HS3ST3B1: variants seen among roughly 807,000 people sequenced by gnomAD.
HS3ST3B1 encodes heparan sulfate-glucosamine 3-sulfotransferase 3B1.
Under a neutral mutation model 21.3 loss-of-function variants are expected in HS3ST3B1, and 13 were observed. The ratio of observed to expected loss-of-function variants is 0.61; its 90% CI spans 0.40 to 0.97. The LOEUF (loss-of-function observed/expected upper bound fraction) is 0.97. HS3ST3B1 is among the 50% of genes least tolerant of loss of function. The pLI is 0.00. For missense variants in HS3ST3B1, 459 were observed against 554.8 expected, an observed-to-expected ratio of 0.83 and a Z score of 1.73; for synonymous variants, 234 against 254.8, an observed-to-expected ratio of 0.92 and a Z score of 0.78.
chr17:14,313,383 T>A (rs911048838), intron 1 of HS3ST3B1, among the ~76,000 whole-genome samples: 1 of 151,942 alleles, frequency 6.6e-6, no homozygotes, highest in Non-Finnish European at 1.5e-5. Context: ...CCCTTACCTG[T>A]GCCAAGATGA....
intron 1 of HS3ST3B1, among the ~76,000 whole-genome samples, chr17:14,316,366 G>A (rs1909499796): frequency 6.6e-6 from 1 of 152,246 alleles, no homozygotes; most frequent in Non-Finnish European, 1.5e-5. Flanking sequence ...TTGCTGATTA[G>A]GATTTCAAGT....
chr17:14,337,468 C>T (rs570481710), intron 1 of HS3ST3B1, among the ~76,000 whole-genome samples: 3 of 151,438 alleles, frequency 2.0e-5, no homozygotes, highest in African/African-American at 7.3e-5. Context: ...GCTGGAATTA[C>T]AGGAGCCCGC....
At chr17:14,324,687 C>T (rs75079924) in intron 1 of HS3ST3B1, among the ~76,000 whole-genome samples, 4 of 152,138 alleles carry the variant, frequency 2.6e-5, no homozygotes, top group Non-Finnish European at 5.9e-5. Context: ...GATCATAGCT[C>T]ACTGCAGCCT....
At chr17:14,314,413 A>T (rs4791572) in intron 1 of HS3ST3B1, among the ~76,000 whole-genome samples, 82,158 of 152,038 alleles carry the variant, frequency 0.54, 22,436 homozygotes, top group Admixed American at 0.62. Flanking sequence ...AAGAAGTGGC[A>T]GTTCAAAAAC....
At chr17:14,314,655 A>C (rs4791573) in intron 1 of HS3ST3B1, among the ~76,000 whole-genome samples, 27 of 152,150 alleles carry the variant, frequency 1.8e-4, no homozygotes, top group African/African-American at 6.5e-4. Flanking sequence ...ATAAAGGATC[A>C]GACAGTACCA....
At chr17:14,341,965 G>C (rs1000031440) in intron 1 of HS3ST3B1, among the ~76,000 whole-genome samples, 1 of 152,146 alleles carries the variant, frequency 6.6e-6, no homozygotes, top group African/African-American at 2.4e-5. Flanking sequence ...GGACAAAGTG[G>C]GTCAATCCAG....
intron 1 of HS3ST3B1, among the ~76,000 whole-genome samples, chr17:14,334,792 AC>A (rs1300057775): frequency 2.0e-5 from 3 of 151,794 alleles, no homozygotes; most frequent in Admixed American, 1.3e-4. Flanking sequence ...CCCTCACCCA[AC>A]CCCCAGGATC....
chr17:14,331,357 A>T (rs1738136813), intron 1 of HS3ST3B1, among the ~76,000 whole-genome samples: 1 of 151,962 alleles, frequency 6.6e-6, no homozygotes, highest in Non-Finnish European at 1.5e-5. Flanking sequence ...AGCGGGGCCT[A>T]TAACCGAGGA....
At chr17:14,302,717 C>G (rs1379421751) in intron 1 of HS3ST3B1, among the ~76,000 whole-genome samples, 1 of 152,042 alleles carries the variant, frequency 6.6e-6, no homozygotes, top group African/African-American at 2.4e-5. Flanking sequence ...GCGCGCGGAG[C>G]GTGGAGCTGT....
At chr17:14,311,387 A>G (rs1276760222) in intron 1 of HS3ST3B1, among the ~76,000 whole-genome samples, 2 of 152,144 alleles carry the variant, frequency 1.3e-5, no homozygotes, top group East Asian at 3.8e-4. Flanking sequence ...CCCAGACCGT[A>G]TTTTTAGAGC....
intron 1 of HS3ST3B1, among the ~76,000 whole-genome samples, chr17:14,308,486 C>T (rs1909200580): frequency 6.6e-6 from 1 of 152,040 alleles, no homozygotes; most frequent in East Asian, 1.9e-4. Flanking sequence ...ATGGATGAAA[C>T]ATGTTTAAAT....
At chr17:14,329,112 G>A (rs1455712538) in intron 1 of HS3ST3B1, 2 of 152,030 alleles carry the variant, frequency 1.3e-5, no homozygotes, top group Non-Finnish European at 2.9e-5. Context: ...GTCAAGCGCT[G>A]ATTGAAATTT....
In HS3ST3B1 at chr17:14,301,936, G is replaced by T. The variant is rs758468724; in HGVS notation, c.418G>T (p.Ala140Ser). The T allele has an allele frequency of 6.2e-6, 10 of 1,609,884 alleles. No individual in the cohort carries two copies. The highest frequency in any genetic ancestry group is 8.5e-6 in the Non-Finnish European group (10 of 1,178,702). ...SGSGSKQLPQ[A>S]IIIGVKKGGT... ...GTCTGGGAGCAAGCAGCTGCCGCAG[G>T]CCATCATCATCGGCGTGAAGAAGGG... The change falls in exon 1 of 2, where the codon GCC becomes TCC. Residue 140 changes from alanine to serine, a missense_variant. By Grantham distance (99) the Ala-to-Ser change is moderately conservative. Around this residue, in one of 3 missense-constraint regions of HS3ST3B1, gnomAD observed 317 missense variants for 278.6 expected, o/e 1.14. Coordinates refer to ENST00000360954, the MANE Select transcript of HS3ST3B1 (RefSeq NM_006041.3).
chr17:14,333,739 A>G (rs1189243347), intron 1 of HS3ST3B1, among the ~76,000 whole-genome samples: 1 of 152,090 alleles, frequency 6.6e-6, no homozygotes, highest in African/African-American at 2.4e-5. Context: ...CCAGATTCTT[A>G]CTGAAGACAG....
intron 1 of HS3ST3B1, among the ~76,000 whole-genome samples, chr17:14,312,015 G>A (rs1051330448): frequency 3.3e-5 from 5 of 152,166 alleles, no homozygotes; most frequent in Non-Finnish European, 5.9e-5. Context: ...AATTTAAAAT[G>A]TGATTTTTGC....
In HS3ST3B1 at chr17:14,345,614, C is replaced by T; in HGVS notation, c.1141C>T (p.Gln381Ter). The T allele has an allele frequency of 6.2e-7, 1 of 1,613,080 alleles. No individual in the cohort carries two copies. The highest frequency in any genetic ancestry group is 8.5e-7 in the Non-Finnish European group (1 of 1,179,452). Residue 381 changes from glutamine to a stop codon, truncating the protein, a stop_gained, in exon 2 of 2, where the codon CAG becomes TAG. Coordinates refer to ENST00000360954, the MANE Select transcript of HS3ST3B1 (RefSeq NM_006041.3). LOFTEE classifies it high-confidence loss of function. Reference sequence around the variant, plus strand: ...CCGGCCTTTCAACCTCAAGTTCTACCAGATGACCGGGCACGACTTTGGCTG... The same window carrying T: ...CCGGCCTTTCAACCTCAAGTTCTACTAGATGACCGGGCACGACTTTGGCTG... ...FYRPFNLKFY[Q>*]MTGHDFGWD
chr17:14,326,518 A>G (rs1475145110), intron 1 of HS3ST3B1, among the ~76,000 whole-genome samples: 2 of 152,154 alleles, frequency 1.3e-5, no homozygotes, highest in Non-Finnish European at 2.9e-5. Flanking sequence ...CAAAAAACAA[A>G]AACTTCAGTC....
At chr17:14,324,115 T>C (rs1909738967) in intron 1 of HS3ST3B1, among the ~76,000 whole-genome samples, 1 of 151,838 alleles carries the variant, frequency 6.6e-6, no homozygotes, top group African/African-American at 2.4e-5. Flanking sequence ...CTTTTCTCGC[T>C]TATAATCTGG....
rs777549140 is a variant in HS3ST3B1 at position 14,301,493 on chromosome 17, T to G, written c.-26T>G. ...GACCCACGCCATGTGCTGAGCCATG[T>G]CCCTGGCCGCGCCCGCGGGCAGCGC... On this transcript the variant is annotated 5_prime_UTR_variant, in exon 1 of 2. Coordinates refer to ENST00000360954, the MANE Select transcript of HS3ST3B1 (RefSeq NM_006041.3). 2 of 1,483,108 alleles carry G rather than the reference T, an allele frequency of 1.3e-6. No homozygotes were observed. The highest frequency in any genetic ancestry group is 8.9e-7 in the Non-Finnish European group (1 of 1,125,466). The allele number at this position is 1,483,108 out of a possible 1,614,324, so 91.9% of individuals were successfully genotyped here. A position where few individuals can be genotyped will look rare whatever the true frequency, so the allele number is the denominator to read the frequency against.
Sources: gnomAD v4.1 joint callset for allele counts (sites outside exome capture counted in the v4.1 genomes callset) on GRCh38, gnomAD v4.1.1 for gene constraint, gnomAD v4.1.1 regional missense constraint, MANE v1.5 for transcripts, NCBI Gene and HGNC (gene_info 2026-07-23, HGNC 2026-07-21) for gene names.